Variants in KCND2 observed in about 807,000 individuals in gnomAD.
KCND2 encodes the protein potassium voltage-gated channel subfamily D member 2, also known as A-type voltage-gated potassium channel KCND2.
KCND2 carries 16 observed loss-of-function variants against 54.4 expected under a neutral mutation model. That is an observed-to-expected ratio of 0.29 (90% CI 0.20 to 0.45). The LOEUF is 0.45. Among genes scored for constraint, KCND2 ranks in the 20% least tolerant of loss-of-function variants. The pLI, the probability that KCND2 is intolerant of heterozygous loss-of-function variation, is 1.00. For synonymous variants in KCND2, 317 were observed against 310.7 expected (o/e 1.02, Z -0.21); for missense variants, 486 against 824.2 (o/e 0.59, Z 5.02).
chr7:120,456,215 T>C (rs945170317), intron 1 of KCND2, among the ~76,000 whole-genome samples: 1 of 152,184 alleles, frequency 6.6e-6, no homozygotes, highest in Non-Finnish European at 1.5e-5. Context: ...ATACTTTATA[T>C]TTTAAGATGA....
At chr7:120,708,497 C>CTTTAGTTAGTTAG (rs1186616790) in intron 1 of KCND2, among the ~76,000 whole-genome samples, 7 of 152,208 alleles carry the variant, frequency 4.6e-5, no homozygotes, top group African/African-American at 1.7e-4. Context: ...TAAATATCAT[C>CTTTAGTTAGTTAG]TTACAAACTA....
intron 1 of KCND2, among the ~76,000 whole-genome samples, chr7:120,615,014 G>A (rs1434103247): frequency 6.6e-6 from 1 of 152,168 alleles, no homozygotes; most frequent in East Asian, 1.9e-4. Context: ...GAAAAGACAT[G>A]TACGGTAGTC....
chr7:120,551,402 C>T (rs1316603828), intron 1 of KCND2, among the ~76,000 whole-genome samples: 1 of 152,126 alleles, frequency 6.6e-6, no homozygotes, highest in African/African-American at 2.4e-5. Context: ...TTGTGACCTT[C>T]CTTGTGCCAG....
At chr7:120,606,723 T>C (rs1792887338) in intron 1 of KCND2, among the ~76,000 whole-genome samples, 2 of 151,892 alleles carry the variant, frequency 1.3e-5, no homozygotes, top group African/African-American at 4.8e-5. Flanking sequence ...CATTGATATG[T>C]GTATGTAATA....
intron 1 of KCND2, among the ~76,000 whole-genome samples, chr7:120,377,345 C>A (rs1800847281): frequency 2.6e-5 from 4 of 151,994 alleles, no homozygotes; most frequent in African/African-American, 9.6e-5. Flanking sequence ...CCAGAGAAGG[C>A]AAACTACTAG....
chr7:120,313,346 TG>T (rs1324066760), intron 1 of KCND2, among the ~76,000 whole-genome samples: 1 of 152,192 alleles, frequency 6.6e-6, no homozygotes, highest in Non-Finnish European at 1.5e-5. Flanking sequence ...TGTATATAAA[TG>T]TATGCATGAC....
At chr7:120,731,564 A>G (rs1007125972) in intron 1 of KCND2, among the ~76,000 whole-genome samples, 1 of 152,164 alleles carries the variant, frequency 6.6e-6, no homozygotes, top group African/African-American at 2.4e-5. Context: ...AGGAGTTTGG[A>G]TTTATTTCAG....
chr7:120,520,335 TAAG>T (rs2116345974), intron 1 of KCND2, among the ~76,000 whole-genome samples: 1 of 152,244 alleles, frequency 6.6e-6, no homozygotes, highest in South Asian at 2.1e-4. Context: ...AAGTTACACG[TAAG>T]AATACCTTTT....
chr7:120,649,329 G>A (rs954455628), intron 1 of KCND2, among the ~76,000 whole-genome samples: 19 of 151,484 alleles, frequency 1.3e-4, no homozygotes, highest in African/African-American at 4.6e-4. Context: ...AGTTAAAATT[G>A]AAATTCATTG....
At chr7:120,357,200 C>T (rs1341822817) in intron 1 of KCND2, among the ~76,000 whole-genome samples, 2 of 152,042 alleles carry the variant, frequency 1.3e-5, no homozygotes, top group Non-Finnish European at 2.9e-5. Flanking sequence ...AAAATCAGTG[C>T]TTAAGCCTCT....
intron 1 of KCND2, among the ~76,000 whole-genome samples, chr7:120,732,079 A>G (rs1562922879): frequency 6.6e-6 from 1 of 152,190 alleles, no homozygotes. Context: ...GGCTGTCAAT[A>G]TAAATCAAGA....
Position 120,713,978 on chromosome 7 carries a change from A to G in KCND2, c.1116-18925A>G, listed in dbSNP as rs147508982. 7.8e-3 allele frequency among the ~76,000 whole-genome samples: 1,195 copies of G among 152,312 alleles called. 8 individuals are homozygous for G. The highest frequency in any genetic ancestry group is 0.014 in the Non-Finnish European group (922 of 68,022). ...TGTGATAAACATTTTTCTCTTTGCA[A>G]TAATTTATTCAAGAAGGGCTAATGA... On this transcript the variant is annotated intron_variant, in intron 1 of 5. Transcript: ENST00000331113.
chr7:120,569,460 T>G (rs115335197), intron 1 of KCND2, among the ~76,000 whole-genome samples: 2,470 of 152,230 alleles, frequency 0.016, 56 homozygotes, highest in African/African-American at 0.055. Context: ...AAGTCAACAT[T>G]AAGAACTCAG....
At chr7:120,413,980 G>A (rs1801488350) in intron 1 of KCND2, among the ~76,000 whole-genome samples, 1 of 149,844 alleles carries the variant, frequency 6.7e-6, no homozygotes, top group Non-Finnish European at 1.5e-5. Flanking sequence ...TGTACAATAA[G>A]TTAATCTATT....
intron 1 of KCND2, among the ~76,000 whole-genome samples, chr7:120,604,339 T>TAA (rs5886994): frequency 3.2e-5 from 4 of 123,398 alleles, no homozygotes; most frequent in African/African-American, 1.3e-4. Context: ...CCGTCTTTAC[T>TAA]AAAAAAAAAA....
chr7:120,399,368 A>G (rs1801207013), intron 1 of KCND2, among the ~76,000 whole-genome samples: 1 of 150,792 alleles, frequency 6.6e-6, no homozygotes, highest in Admixed American at 6.6e-5. Flanking sequence ...AGAAAAAAAC[A>G]TAGAGAAAAA....
At chr7:120,358,068 C>T (rs569939239) in intron 1 of KCND2, among the ~76,000 whole-genome samples, 1 of 152,174 alleles carries the variant, frequency 6.6e-6, no homozygotes, top group Admixed American at 6.6e-5. Context: ...ATTCTGATAA[C>T]ATGCTGGAAC....
chr7:120,438,913 ATTAC>A (rs1169132060), intron 1 of KCND2, among the ~76,000 whole-genome samples: 3 of 152,240 alleles, frequency 2.0e-5, no homozygotes, highest in South Asian at 4.1e-4. Context: ...ACATTCATGA[ATTAC>A]TTAATTCACA....
At chr7:120,530,929 C>T (rs568823296) in intron 1 of KCND2, among the ~76,000 whole-genome samples, 1 of 152,040 alleles carries the variant, frequency 6.6e-6, no homozygotes, top group South Asian at 2.1e-4. Context: ...CATTATAATA[C>T]TTCCTGGTGT....
Sources: gnomAD v4.1 joint callset for allele counts (sites outside exome capture counted in the v4.1 genomes callset) on GRCh38, gnomAD v4.1.1 for gene constraint, MANE v1.5 for transcripts, NCBI Gene and HGNC (gene_info 2026-07-23, HGNC 2026-07-21) for gene names.